The following PAN3 variants were observed in gnomAD, a reference collection of about 807,000 sequenced individuals.
PAN3 encodes the protein PAN2-PAN3 deadenylation complex subunit PAN3.
A neutral mutation model predicts 96.2 loss-of-function variants in PAN3; 19 were observed. The observed-to-expected ratio is 0.20, with a 90% CI of 0.14 to 0.29. The LOEUF (loss-of-function observed/expected upper bound fraction) is 0.29, where lower values mean the gene tolerates loss of function less well. Among genes scored for constraint, PAN3 ranks in the 10% least tolerant of loss-of-function variants. The pLI, the probability that PAN3 is intolerant of heterozygous loss-of-function variation, is 1.00. For missense variants in PAN3, 882 were observed against 1,108.1 expected (o/e 0.80, Z 2.90); for synonymous variants, 433 against 406.6 (o/e 1.06, Z -0.78).
At chr13:28,189,741 G>A (rs577536574) in intron 4 of PAN3, among the ~76,000 whole-genome samples, 8 of 152,256 alleles carry the variant, frequency 5.3e-5, no homozygotes, top group Admixed American at 3.3e-4. Context: ...CAGACCAGGA[G>A]CATCTGCAGT....
At chr13:28,241,254 C>T (rs1297741511) in intron 6 of PAN3, among the ~76,000 whole-genome samples, 2 of 152,038 alleles carry the variant, frequency 1.3e-5, no homozygotes, top group African/African-American at 2.4e-5. Flanking sequence ...CAGAGTGAAA[C>T]GCTGTTTCAA....
intron 6 of PAN3, among the ~76,000 whole-genome samples, chr13:28,241,039 G>T (rs1883614558): frequency 6.6e-6 from 1 of 152,188 alleles, no homozygotes; most frequent in African/African-American, 2.4e-5. Context: ...AGGTGGCAAG[G>T]TTGCTTGAGT....
At chr13:28,241,006 T>C (rs1240553259) in intron 6 of PAN3, among the ~76,000 whole-genome samples, 1 of 152,234 alleles carries the variant, frequency 6.6e-6, no homozygotes, top group Non-Finnish European at 1.5e-5. Flanking sequence ...ATGCCTGTTA[T>C]CCCAACACTT....
intron 16 of PAN3, among the ~76,000 whole-genome samples, chr13:28,281,015 C>T (rs926109734): frequency 4.6e-5 from 7 of 152,146 alleles, no homozygotes; most frequent in African/African-American, 7.2e-5. Flanking sequence ...TTTCTTATGT[C>T]CTCTGGACAA....
At position 28,198,218 on chromosome 13, in the gene PAN3, G is replaced by A. The variant is rs539021447; in HGVS notation, c.852+872G>A. Among the ~76,000 whole-genome samples, 170 of 151,824 alleles carry A rather than the reference G, an allele frequency of 1.1e-3. 2 individuals are homozygous for A. In the South Asian group the frequency reaches 0.034, roughly 30 times the overall value. On this transcript the variant is annotated intron_variant, in intron 5 of 18. Transcript: ENST00000380958. Reference sequence around the variant, plus strand: ...GAAGAATGGCTTGAACCTGGGAGGCGGAGGTTGCAGCAAGCCGAGACTGCA... The same window carrying A: ...GAAGAATGGCTTGAACCTGGGAGGCAGAGGTTGCAGCAAGCCGAGACTGCA...
At chr13:28,216,211 A>G (rs570408289) in intron 5 of PAN3, among the ~76,000 whole-genome samples, 13 of 151,610 alleles carry the variant, frequency 8.6e-5, no homozygotes, top group Admixed American at 8.5e-4. Context: ...AAAAAAAAAA[A>G]GCCAGGTAAA....
At chr13:28,262,594 G>A (rs1330119897) in intron 9 of PAN3, among the ~76,000 whole-genome samples, 1 of 152,026 alleles carries the variant, frequency 6.6e-6, no homozygotes, top group Non-Finnish European at 1.5e-5. Context: ...TGAGGCTTTA[G>A]CCAGGTTTTG....
At chr13:28,264,752 C>G (rs1886021508) in intron 9 of PAN3, among the ~76,000 whole-genome samples, 4 of 152,202 alleles carry the variant, frequency 2.6e-5, no homozygotes, top group Admixed American at 2.6e-4. Context: ...GGCTCATTTT[C>G]ATTGACTTTT....
chr13:28,197,863 T>C (rs1395140431), intron 5 of PAN3, among the ~76,000 whole-genome samples: 3 of 152,170 alleles, frequency 2.0e-5, no homozygotes, highest in African/African-American at 7.2e-5. Context: ...CCACCTCTCC[T>C]GGCCGAATAT....
At chr13:28,180,747 A>G (rs931100018) in intron 4 of PAN3, among the ~76,000 whole-genome samples, 1 of 152,178 alleles carries the variant, frequency 6.6e-6, no homozygotes, top group Admixed American at 6.5e-5. Flanking sequence ...CAGATATGCT[A>G]ACTTTTGCCT....
intron 1 of PAN3, among the ~76,000 whole-genome samples, chr13:28,168,408 A>G (rs1372745420): frequency 6.6e-6 from 1 of 152,172 alleles, no homozygotes; most frequent in African/African-American, 2.4e-5. Flanking sequence ...ACAGATGGCA[A>G]TAGAGCTTTT....
At chr13:28,187,277 T>C (rs1876602970) in intron 4 of PAN3, among the ~76,000 whole-genome samples, 1 of 152,112 alleles carries the variant, frequency 6.6e-6, no homozygotes, top group Non-Finnish European at 1.5e-5. Flanking sequence ...CAGCGAGCCG[T>C]GTTTGCACCA....
At chr13:28,280,674 G>A in intron 16 of PAN3, 133 bp downstream of exon 16, 1 of 757,944 alleles carries the variant, frequency 1.3e-6, no homozygotes, top group Non-Finnish European at 2.0e-6. Flanking sequence ...CGAGTCTCCT[G>A]CCTCAGCCTC....
intron 6 of PAN3, among the ~76,000 whole-genome samples, chr13:28,222,216 C>A (rs773526933): frequency 6.6e-6 from 1 of 152,028 alleles, no homozygotes; most frequent in Non-Finnish European, 1.5e-5. Context: ...TCCATTAATG[C>A]TTATGGTATA....
intron 17 of PAN3, 56 bp from the exon 18 acceptor site, chr13:28,287,926 CAT>C (rs1419084118): frequency 6.2e-6 from 9 of 1,462,732 alleles, no homozygotes; most frequent in South Asian, 5.7e-5. Context: ...AAAAAATAGA[CAT>C]ATGGCCACAG....
intron 6 of PAN3, among the ~76,000 whole-genome samples, chr13:28,244,421 A>G (rs1883978054): frequency 6.6e-6 from 1 of 152,190 alleles, no homozygotes; most frequent in South Asian, 2.1e-4. Flanking sequence ...TATTTTATCT[A>G]TATAACCATC....
Position 28,245,962 on chromosome 13 carries a change from A to G in PAN3, c.1001-10330A>G, listed in dbSNP as rs528832405. On this transcript the variant is annotated intron_variant, in intron 6 of 18. Transcript: ENST00000380958. ...TATTTCCACTTTTTGGTAATTATGC[A>G]TAATGCTACTATGAGCATTCATGTA... is the stretch of plus-strand genomic sequence containing the variant. 1.5e-4 allele frequency among the ~76,000 whole-genome samples: 23 copies of G among 152,344 alleles called. 2 individuals are homozygous for G. The South Asian group carries it at 4.8e-3, about 32-fold the overall frequency.
intron 5 of PAN3, among the ~76,000 whole-genome samples, chr13:28,202,974 T>A (rs1878919190): frequency 1.3e-5 from 2 of 152,322 alleles, no homozygotes; most frequent in South Asian, 2.1e-4. Context: ...TTAATTTTTT[T>A]TCCCCCCAGA....
chr13:28,141,413 CT>C (rs1416229211), intron 1 of PAN3, among the ~76,000 whole-genome samples: 1 of 150,020 alleles, frequency 6.7e-6, no homozygotes, highest in East Asian at 1.9e-4. Context: ...AATCTTATTC[CT>C]GACAGACAGC....
Sources: allele counts gnomAD v4.1 joint callset (sites outside exome capture counted in the v4.1 genomes callset), GRCh38; gene constraint gnomAD v4.1.1; transcripts MANE v1.5; gene names NCBI Gene and HGNC (gene_info 2026-07-23, HGNC 2026-07-21).